The following SH3BP5 variants were observed in gnomAD, a reference collection of about 807,000 sequenced individuals.
The protein encoded by SH3BP5 is SH3 domain binding protein 5.
Under a neutral mutation model 43.3 loss-of-function variants are expected in SH3BP5, and 22 were observed. The ratio of observed to expected loss-of-function variants is 0.51; its 90% CI spans 0.36 to 0.73. The LOEUF is 0.73. Ranked by LOEUF, SH3BP5 falls within the 30% of genes least tolerant of loss-of-function variation. SH3BP5 has a pLI of 0.00. For missense variants in SH3BP5, 529 were observed against 586.9 expected (o/e 0.90, Z 1.02); for synonymous variants, 255 against 225.8 (o/e 1.13, Z -1.16).
At chr3:15,340,768 T>A (rs4036829) in intron 1 of SH3BP5, among the ~76,000 whole-genome samples, 80,821 of 150,236 alleles carry the variant, frequency 0.54, 23,619 homozygotes, top group African/African-American at 0.78. Context: ...TAAAAAAAAA[T>A]TAGGCCAGGT....
intron 3 of SH3BP5, among the ~76,000 whole-genome samples, chr3:15,272,539 C>T (rs759569426): frequency 8.5e-6 from 1 of 117,408 alleles, no homozygotes; most frequent in Non-Finnish European, 1.7e-5. Flanking sequence ...AAAGACATTA[C>T]AAAACAGAGT....
chr3:15,278,237 G>GT (rs1207652001), intron 3 of SH3BP5, among the ~76,000 whole-genome samples: 11 of 152,352 alleles, frequency 7.2e-5, no homozygotes, highest in African/African-American at 2.4e-4. Flanking sequence ...AGAAGCTCAT[G>GT]AAGAAAAGCA....
Position 15,303,965 on chromosome 3 carries a change from C to A in SH3BP5, c.330+138G>T, listed in dbSNP as rs762335397. On this transcript the variant is annotated intron_variant, in intron 3 of 8. Transcript: ENST00000383791. Reference sequence around the variant, plus strand: ...TCGAGCACTGGAATGAAGCAGATTGCGGGGCGGTGGGTCACTGCATTTAAG... The same window carrying A: ...TCGAGCACTGGAATGAAGCAGATTGAGGGGCGGTGGGTCACTGCATTTAAG... The A allele has an allele frequency of 4.4e-6, 3 of 677,684 alleles. No homozygotes were observed. The East Asian group carries it at 8.2e-5, about 18-fold the overall frequency. The allele number at this position is 677,684 out of a possible 1,614,324, so 42.0% of individuals were successfully genotyped here. A position where few individuals can be genotyped will look rare whatever the true frequency, so the allele number is the denominator to read the frequency against.
At chr3:15,266,639 T>C (rs564664965) in intron 4 of SH3BP5, among the ~76,000 whole-genome samples, 33 of 152,230 alleles carry the variant, frequency 2.2e-4, no homozygotes, top group Non-Finnish European at 2.6e-4. Context: ...CCCCAGGCCC[T>C]GTGCCCCAAG....
At chr3:15,301,507 T>C (rs1196432004) in intron 3 of SH3BP5, among the ~76,000 whole-genome samples, 1 of 152,142 alleles carries the variant, frequency 6.6e-6, no homozygotes, top group Non-Finnish European at 1.5e-5. Context: ...TAACAGGTCA[T>C]ATGGGGAGAA....
At chr3:15,262,500 T>C (rs1210419672) in intron 4 of SH3BP5, among the ~76,000 whole-genome samples, 1 of 151,636 alleles carries the variant, frequency 6.6e-6, no homozygotes, top group East Asian at 1.9e-4. Flanking sequence ...CTGCTAAAAA[T>C]ACAAAAATCA....
chr3:15,291,855 T>C (rs756050142), intron 3 of SH3BP5, among the ~76,000 whole-genome samples: 4 of 152,184 alleles, frequency 2.6e-5, no homozygotes, highest in Non-Finnish European at 4.4e-5. Context: ...ATGAATAATT[T>C]CATCAGATTC....
chr3:15,328,939 A>C (rs1698532431), intron 2 of SH3BP5, among the ~76,000 whole-genome samples: 1 of 152,142 alleles, frequency 6.6e-6, no homozygotes, highest in African/African-American at 2.4e-5. Context: ...TGGGCTCTTG[A>C]AACGTGGCTA....
intron 2 of SH3BP5, among the ~76,000 whole-genome samples, chr3:15,321,122 T>G (rs1051733415): frequency 6.6e-6 from 1 of 152,218 alleles, no homozygotes; most frequent in Non-Finnish European, 1.5e-5. Context: ...TTACCATGAA[T>G]GAAGTTGTGC....
rs572342444 is a variant in SH3BP5, at chr3:15,262,279, G to A, written c.506C>T (p.Ala169Val). Residue 169 changes from alanine to valine, a missense_variant, in exon 5 of 9, where the codon GCG becomes GTG. This residue lies in a region of SH3BP5 where 369 missense variants were observed against 384.3 expected (regional missense o/e 0.96). Transcript: ENST00000383791. ...LNHATQRVMEAEQTKTRSELV... is the reference protein window; with the variant it reads ...LNHATQRVMEVEQTKTRSELV... ...CTCGCTCCTGGTCTTGGTCTGCTCC[G>A]CCTCCATGACCTTAAAATGACAGCA... 32 of 1,613,932 alleles carry A rather than the reference G, an allele frequency of 2.0e-5. No individual in the cohort carries two copies. In the Admixed American group the frequency reaches 2.8e-4, roughly 14 times the overall value.
chr3:15,254,575 C>CCTGG lies in SH3BP5; in HGVS notation c.*1510_*1511insCCAG, dbSNP rs57131307. ...CTGACTGACAGCAACACTTAAGCTT[C>CCTGG]GAGACTGCAGTGTGCAGCCGAGGCC... On this transcript the variant is annotated 3_prime_UTR_variant, in exon 9 of 9. Transcript: ENST00000383791. 18,264 of 152,018 alleles carry CCTGG rather than the reference C, an allele frequency of 0.12. 3,631 individuals carry two copies. Among genetic ancestry groups the CCTGG allele is most frequent in the African/African-American group, 0.41 (17,084 of 41,308 alleles). The allele number at this position is 152,018 out of a possible 1,614,324, so 9.4% of individuals were successfully genotyped here. A position where few individuals can be genotyped will look rare whatever the true frequency, so the allele number is the denominator to read the frequency against.
intron 3 of SH3BP5, among the ~76,000 whole-genome samples, chr3:15,276,752 C>T (rs1475051381): frequency 6.6e-6 from 1 of 152,240 alleles, no homozygotes; most frequent in African/African-American, 2.4e-5. Context: ...TGACTACTCA[C>T]AAACCTACAG....
chr3:15,279,290 A>C (rs1009325418), intron 3 of SH3BP5, among the ~76,000 whole-genome samples: 24 of 152,142 alleles, frequency 1.6e-4, no homozygotes, highest in African/African-American at 5.3e-4. Flanking sequence ...TAATAGTGTT[A>C]TTTCTCCCAA....
chr3:15,320,328 G>GA (rs538955078), intron 2 of SH3BP5, among the ~76,000 whole-genome samples: 253 of 150,358 alleles, frequency 1.7e-3, no homozygotes, highest in South Asian at 0.012. Flanking sequence ...CACAGCAAAG[G>GA]AAAAAAAAAT....
chr3:15,327,722 T>C (rs59043728), intron 2 of SH3BP5, among the ~76,000 whole-genome samples: 63 of 152,346 alleles, frequency 4.1e-4, no homozygotes, highest in African/African-American at 1.5e-3. Context: ...CAACAGTGTC[T>C]GACAAGCAGT....
chr3:15,278,133 G>A (rs956808627), intron 3 of SH3BP5, among the ~76,000 whole-genome samples: 9 of 152,238 alleles, frequency 5.9e-5, no homozygotes, highest in African/African-American at 2.2e-4. Flanking sequence ...CACTTGGTAG[G>A]AAGCCTCTGT....
rs1698621281 is a variant in SH3BP5, at chr3:15,331,964, C to T, written c.138+307G>A. 8 of 319,974 alleles carry T rather than the reference C, an allele frequency of 2.5e-5. No homozygotes were observed. The South Asian group carries it at 3.5e-4, about 14-fold the overall frequency. The allele number at this position is 319,974 out of a possible 1,614,324, so 19.8% of individuals were successfully genotyped here. On this transcript the variant is annotated intron_variant, in intron 1 of 8. Transcript: ENST00000383791. ...GTACCCCCGAGGATACCATGGCGCC[C>T]CCGCCCCCTTTTTCCCTTTGTTGCA...
chr3:15,320,600 G>A (rs534944019), intron 2 of SH3BP5, among the ~76,000 whole-genome samples: 14 of 25,836 alleles, frequency 5.4e-4, no homozygotes, highest in Non-Finnish European at 1.2e-3. Flanking sequence ...AATTCATCCA[G>A]CCAAAACACA....
At chr3:15,309,921 G>T (rs1455477654) in intron 2 of SH3BP5, among the ~76,000 whole-genome samples, 2 of 98,162 alleles carry the variant, frequency 2.0e-5, no homozygotes, top group Non-Finnish European at 4.3e-5. Flanking sequence ...CCCCCCATAA[G>T]AAAAAGCCCA....
Sources: allele counts gnomAD v4.1 joint callset (sites outside exome capture counted in the v4.1 genomes callset), GRCh38; gene constraint gnomAD v4.1.1; regional missense constraint gnomAD v4.1.1; transcripts MANE v1.5; gene names NCBI Gene and HGNC (gene_info 2026-07-23, HGNC 2026-07-21).